ADGRL3: variants seen among roughly 807,000 people sequenced by gnomAD.
ADGRL3 encodes the protein calcium-independent alpha-latrotoxin receptor 3.
ADGRL3 carries 62 observed loss-of-function variants against 153.5 expected under a neutral mutation model. That is an observed-to-expected ratio of 0.40 (90% CI 0.33 to 0.50). The LOEUF (loss-of-function observed/expected upper bound fraction) is 0.50, where lower values mean the gene tolerates loss of function less well. Among genes scored for constraint, ADGRL3 ranks in the 20% least tolerant of loss-of-function variants. The pLI, the probability that ADGRL3 is intolerant of heterozygous loss-of-function variation, is 0.47. For missense variants in ADGRL3, 1,641 were observed against 1,859.4 expected, an observed-to-expected ratio of 0.88 and a Z score of 2.16; for synonymous variants, 710 against 672.5, an observed-to-expected ratio of 1.06 and a Z score of -0.86.
At chr4:61,885,992 T>C (rs1343645393) in intron 9 of ADGRL3, among the ~76,000 whole-genome samples, 1 of 152,212 alleles carries the variant, frequency 6.6e-6, no homozygotes, top group African/African-American at 2.4e-5. Context: ...ATAAAGCCAC[T>C]ACAATTTTGT....
chr4:61,458,359 A>C (rs1560669024), intron 2 of ADGRL3, among the ~76,000 whole-genome samples: 1 of 151,388 alleles, frequency 6.6e-6, no homozygotes, highest in East Asian at 1.9e-4. Context: ...TTTTAGAGAG[A>C]TTTATAAAAA....
At chr4:62,021,686 A>T (rs903972713) in intron 21 of ADGRL3, among the ~76,000 whole-genome samples, 2 of 152,148 alleles carry the variant, frequency 1.3e-5, no homozygotes, top group African/African-American at 4.8e-5. Flanking sequence ...TAATTCTCAC[A>T]ATATATCAAA....
intron 4 of ADGRL3, among the ~76,000 whole-genome samples, chr4:61,571,363 A>G (rs2098837939): frequency 1.4e-5 from 2 of 138,460 alleles, no homozygotes; most frequent in South Asian, 4.8e-4. Flanking sequence ...ATAAAATAAA[A>G]TTAGCTTGGT....
At chr4:61,693,108 A>T (rs1041707602) in intron 6 of ADGRL3, among the ~76,000 whole-genome samples, 8 of 152,106 alleles carry the variant, frequency 5.3e-5, no homozygotes, top group South Asian at 2.1e-4. Context: ...AGGTTTTTTT[A>T]TTATTATTAT....
chr4:61,760,376 T>C (rs960811331), intron 8 of ADGRL3, among the ~76,000 whole-genome samples: 1 of 152,068 alleles, frequency 6.6e-6, no homozygotes, highest in African/African-American at 2.4e-5. Context: ...CCTCCCCCAG[T>C]CTCGCTGCTG....
chr4:61,890,955 TTATATATATTA>T (rs2098578109), intron 9 of ADGRL3, among the ~76,000 whole-genome samples: 1 of 38,436 alleles, frequency 2.6e-5, no homozygotes, highest in Non-Finnish European at 5.1e-5. Context: ...TATATGCAAA[TTATATATATTA>T]GAGACATTTT....
chr4:61,687,684 C>T (rs1219546112), intron 6 of ADGRL3, among the ~76,000 whole-genome samples: 2 of 151,776 alleles, frequency 1.3e-5, no homozygotes, highest in African/African-American at 4.8e-5. Context: ...TTACACTCAT[C>T]TACAATTTAT....
intron 25 of ADGRL3, among the ~76,000 whole-genome samples, chr4:62,045,667 C>A (rs1730739106): frequency 6.6e-6 from 1 of 151,936 alleles, no homozygotes; most frequent in Non-Finnish European, 1.5e-5. Context: ...ATGCAGGGAT[C>A]CATGTTTTAA....
intron 25 of ADGRL3, among the ~76,000 whole-genome samples, chr4:62,050,901 TAACA>T (rs1733725661): frequency 6.6e-6 from 1 of 151,728 alleles, no homozygotes; most frequent in Non-Finnish European, 1.5e-5. Context: ...TGTAACCAAA[TAACA>T]AACTATTTTT....
intron 5 of ADGRL3, among the ~76,000 whole-genome samples, chr4:61,643,330 G>A (rs370856491): frequency 1.1e-4 from 17 of 151,912 alleles, no homozygotes; most frequent in South Asian, 2.1e-4. Flanking sequence ...ACTATGTTGA[G>A]TAGGAGTGGT....
At chr4:61,360,288 T>C (rs1440871720) in intron 1 of ADGRL3, among the ~76,000 whole-genome samples, 2 of 152,128 alleles carry the variant, frequency 1.3e-5, no homozygotes, top group Admixed American at 1.3e-4. Context: ...AAAGAGCTAT[T>C]TGTTAGAGGT....
chr4:61,750,776 C>A (rs1025206630), intron 8 of ADGRL3, among the ~76,000 whole-genome samples: 1 of 133,080 alleles, frequency 7.5e-6, no homozygotes, highest in Non-Finnish European at 1.5e-5. Flanking sequence ...GGCGACAGAG[C>A]GAGACTCCGT....
chr4:61,813,371 G>T (rs1237552313), intron 8 of ADGRL3, among the ~76,000 whole-genome samples: 1 of 152,036 alleles, frequency 6.6e-6, no homozygotes. Context: ...TGCAGCCTGG[G>T]CAATGAGCAA....
chr4:62,019,447 A>C (rs1315388388), intron 21 of ADGRL3, among the ~76,000 whole-genome samples: 2 of 152,100 alleles, frequency 1.3e-5, no homozygotes, highest in African/African-American at 4.8e-5. Flanking sequence ...CATTTGGCTT[A>C]GAATATGTTT....
rs1040055267 is a variant in ADGRL3, at chr4:62,008,984, A to T, written c.3395+10719A>T. On this transcript the variant is annotated intron_variant, in intron 21 of 26. Coordinates refer to ENST00000683033, the MANE Select transcript of ADGRL3 (RefSeq NM_001387552.1). ...TATTCAGCCCAGTAACATGCTATAC[A>T]AGTTTATAGCCTAAGAACAATAAGC... Among the ~76,000 whole-genome samples the T allele has an allele frequency of 2.0e-5, 3 of 152,160 alleles. No homozygotes were observed. The South Asian group carries it at 6.2e-4, about 31-fold the overall frequency.
chr4:61,330,327 G>A (rs1375569657), intron 1 of ADGRL3, among the ~76,000 whole-genome samples: 1 of 152,058 alleles, frequency 6.6e-6, no homozygotes, highest in Admixed American at 6.6e-5. Context: ...CAGCAATGTG[G>A]GTGAGCATGA....
At chr4:61,704,351 A>G (rs1469001959) in intron 6 of ADGRL3, among the ~76,000 whole-genome samples, 1 of 152,224 alleles carries the variant, frequency 6.6e-6, no homozygotes, top group Admixed American at 6.5e-5. Flanking sequence ...ATTTTTTGGT[A>G]ACCTAGTACA....
At chr4:61,699,591 T>G (rs151057017) in intron 6 of ADGRL3, among the ~76,000 whole-genome samples, 1 of 152,080 alleles carries the variant, frequency 6.6e-6, no homozygotes, top group Admixed American at 6.6e-5. Context: ...AAAATCACTC[T>G]TGGTAGAATG....
At chr4:61,661,928 T>C (rs530382574) in intron 5 of ADGRL3, among the ~76,000 whole-genome samples, 2 of 152,372 alleles carry the variant, frequency 1.3e-5, no homozygotes, top group Admixed American at 6.5e-5. Context: ...ATGCCTATTA[T>C]TGAAAATAGC....
Sources: allele counts gnomAD v4.1 joint callset (sites outside exome capture counted in the v4.1 genomes callset), GRCh38; gene constraint gnomAD v4.1.1; transcripts MANE v1.5; gene names NCBI Gene and HGNC (gene_info 2026-07-23, HGNC 2026-07-21).